The following RNF157 variants were observed in gnomAD, a reference collection of about 807,000 sequenced individuals.
RNF157 encodes ring finger protein 157, also known as E3 ubiquitin ligase RNF157.
A neutral mutation model predicts 88.3 loss-of-function variants in RNF157; 55 were observed. The ratio of observed to expected loss-of-function variants is 0.62; its 90% CI spans 0.50 to 0.78. The LOEUF (loss-of-function observed/expected upper bound fraction) is 0.78. Ranked by LOEUF, RNF157 falls within the 30% of genes least tolerant of loss-of-function variation. RNF157 has a pLI of 0.00. For synonymous variants in RNF157, 334 were observed against 341.2 expected, an observed-to-expected ratio of 0.98 and a Z score of 0.23; for missense variants, 788 against 860.8, an observed-to-expected ratio of 0.92 and a Z score of 1.06.
chr17:76,210,093 G>A (rs1291886359), intron 2 of RNF157, among the ~76,000 whole-genome samples: 1 of 152,104 alleles, frequency 6.6e-6, no homozygotes, highest in East Asian at 1.9e-4. Context: ...CTGACTCCCT[G>A]TGAGTGAGGC....
rs144216891 is a variant in RNF157 at position 76,193,959 on chromosome 17, C to T, written c.207+18405G>A. On this transcript the variant is annotated intron_variant, in intron 2 of 18. Coordinates refer to ENST00000269391, the MANE Select transcript of RNF157 (RefSeq NM_052916.3). ...ACGGCTACCACTTCTCTGGGGTACA[C>T]GTCCACAAACGGGACTCCCTGGACT... Among the ~76,000 whole-genome samples the T allele has an allele frequency of 8.5e-4, 130 of 152,300 alleles. 1 individual carries two copies. The highest frequency in any genetic ancestry group is 3.4e-3 in the Middle Eastern group (1 of 294).
chr17:76,226,432 G>C, intron 1 of RNF157: 1 of 1,598,040 alleles, frequency 6.3e-7, no homozygotes. Context: ...CCTGGACTAG[G>C]GGGGCAAAGA....
At chr17:76,193,563 T>C (rs1253956881) in intron 2 of RNF157, among the ~76,000 whole-genome samples, 1 of 138,596 alleles carries the variant, frequency 7.2e-6, no homozygotes, top group Non-Finnish European at 1.6e-5. Flanking sequence ...CACGGACACA[T>C]ACAAGTTTCT....
rs1026450151 is a variant in RNF157, at chr17:76,240,280, G to C, written c.-40C>G. ...CAGCCCCGGCCCGGCCCCGGTGCCC[G>C]CGCCGCCCTCCGCGCTTCACCGCGG... On this transcript the variant is annotated 5_prime_UTR_variant, in exon 1 of 19. Coordinates refer to ENST00000269391, the MANE Select transcript of RNF157 (RefSeq NM_052916.3). This position sits in a 1 kb window ranked among gnomAD's most constrained non-coding sequence, Gnocchi z 4.4. 10 of 1,022,316 alleles carry C rather than the reference G, an allele frequency of 9.8e-6. No homozygotes were observed. Among genetic ancestry groups the C allele is most frequent in the Middle Eastern group, 3.4e-4 (1 of 2,944 alleles). The allele number at this position is 1,022,316 out of a possible 1,614,324, so 63.3% of individuals were successfully genotyped here.
intron 3 of RNF157, among the ~76,000 whole-genome samples, chr17:76,168,129 A>G (rs1174972421): frequency 6.6e-6 from 1 of 152,174 alleles, no homozygotes; most frequent in East Asian, 1.9e-4. Context: ...TTCAGAGGAC[A>G]CCCCTTTTAG....
chr17:76,200,013 G>T (rs531728287), intron 2 of RNF157, among the ~76,000 whole-genome samples: 5 of 152,168 alleles, frequency 3.3e-5, no homozygotes, highest in Admixed American at 2.0e-4. Context: ...CGAGGCGGGC[G>T]GATCACGAGG....
chr17:76,187,764 G>C (rs2069318374), intron 2 of RNF157, among the ~76,000 whole-genome samples: 1 of 151,734 alleles, frequency 6.6e-6, no homozygotes, highest in Non-Finnish European at 1.5e-5. Flanking sequence ...CAGCTAATTT[G>C]TTTTGTAATT....
chr17:76,172,694 T>A (rs1359065212), intron 3 of RNF157, among the ~76,000 whole-genome samples: 4 of 144,840 alleles, frequency 2.8e-5, no homozygotes, highest in Admixed American at 1.4e-4. Context: ...GTAATGCTAA[T>A]AAGGCTGTTC....
chr17:76,165,579 C>T, intron 6 of RNF157, 34 bp from the exon 7 acceptor site: 2 of 1,612,186 alleles, frequency 1.2e-6, no homozygotes, highest in Non-Finnish European at 1.7e-6. Flanking sequence ...GTGAAGAAGC[C>T]CAAACAGCAC....
intron 2 of RNF157, among the ~76,000 whole-genome samples, chr17:76,198,288 CTCTTATGACACAGAATG>C (rs1209655703): frequency 6.6e-6 from 1 of 152,076 alleles, no homozygotes; most frequent in East Asian, 1.9e-4. Flanking sequence ...CAGGGACATT[CTCTTATGACACAGAATG>C]AACACCTTGG....
At chr17:76,194,738 G>A (rs556265625) in intron 2 of RNF157, among the ~76,000 whole-genome samples, 7 of 152,234 alleles carry the variant, frequency 4.6e-5, no homozygotes, top group South Asian at 2.1e-4. Context: ...AGAGCAGGCC[G>A]GGCACGGTGG....
Position 76,240,395 on chromosome 17 carries a change from G to A in RNF157, c.-155C>T, listed in dbSNP as rs1347218471. The A allele has an allele frequency of 6.0e-6, 1 of 167,254 alleles. No individual in the cohort carries two copies. Among genetic ancestry groups the A allele is most frequent in the Non-Finnish European group, 1.2e-5 (1 of 85,224 alleles). The allele number at this position is 167,254 out of a possible 1,614,324, so 10.4% of individuals were successfully genotyped here. A position where few individuals can be genotyped will look rare whatever the true frequency, so the allele number is the denominator to read the frequency against. On this transcript the variant is annotated 5_prime_UTR_variant, in exon 1 of 19. Transcript: ENST00000269391. This position sits in a 1 kb window ranked among gnomAD's most constrained non-coding sequence, Gnocchi z 4.4. ...CGGCTCTGGCGGCGGGGAGCCCCCG[G>A]CGCGCCGCGCACCATCCTCCGCCGG...
At chr17:76,205,145 C>CTT (rs112594629) in intron 2 of RNF157, among the ~76,000 whole-genome samples, 22 of 142,820 alleles carry the variant, frequency 1.5e-4, no homozygotes, top group African/African-American at 4.4e-4. Context: ...TTTTTTCTTT[C>CTT]TTTTTTTTTT....
chr17:76,230,879 A>AG (rs2070178713), intron 1 of RNF157, among the ~76,000 whole-genome samples: 1 of 112,996 alleles, frequency 8.8e-6, no homozygotes, highest in Non-Finnish European at 1.7e-5. Flanking sequence ...AGAGAGAGAG[A>AG]AAGAGAAAGA....
chr17:76,207,594 T>G (rs1171469752), intron 2 of RNF157, among the ~76,000 whole-genome samples: 1 of 152,244 alleles, frequency 6.6e-6, no homozygotes, highest in Non-Finnish European at 1.5e-5. Flanking sequence ...CAATTCATTT[T>G]AACATATTTC....
intron 1 of RNF157, among the ~76,000 whole-genome samples, chr17:76,231,592 G>C (rs1013770574): frequency 3.3e-5 from 5 of 151,862 alleles, no homozygotes; most frequent in African/African-American, 1.2e-4. Flanking sequence ...AGGAGTAGAA[G>C]ATCAGCCTGG....
intron 2 of RNF157, among the ~76,000 whole-genome samples, chr17:76,194,706 G>A (rs896391277): frequency 6.6e-6 from 1 of 152,168 alleles, no homozygotes; most frequent in African/African-American, 2.4e-5. Context: ...TAAAAAGAGA[G>A]AGAGAAAAAT....
chr17:76,205,765 T>TAAATAA (rs1568062335), intron 2 of RNF157, among the ~76,000 whole-genome samples: 1 of 140,740 alleles, frequency 7.1e-6, no homozygotes. Context: ...ATAAATAAAA[T>TAAATAA]AATAATGCCA....
At chr17:76,145,540 A>G in intron 18 of RNF157, 187 bp from the exon 19 acceptor site, 1 of 554,090 alleles carries the variant, frequency 1.8e-6, no homozygotes, top group Non-Finnish European at 3.2e-6. Context: ...ACAGGTGCAG[A>G]GCCTGCTCCT....
Sources: gnomAD v4.1 joint callset for allele counts (sites outside exome capture counted in the v4.1 genomes callset) on GRCh38, gnomAD v4.1.1 for gene constraint, Gnocchi (gnomAD v3.1) non-coding constraint, MANE v1.5 for transcripts, NCBI Gene and HGNC (gene_info 2026-07-23, HGNC 2026-07-21) for gene names.